ATP2B2: variants seen among roughly 807,000 people sequenced by gnomAD.
ATP2B2 encodes ATPase plasma membrane Ca2+ transporting 2, also known as plasma membrane calcium-transporting ATPase 2.
Under a neutral mutation model 120.0 loss-of-function variants are expected in ATP2B2, and 15 were observed. The ratio of observed to expected loss-of-function variants is 0.12; its 90% CI spans 0.08 to 0.19. The LOEUF is 0.19. Ranked by LOEUF, ATP2B2 falls within the 10% of genes least tolerant of loss-of-function variation. ATP2B2 has a pLI of 1.00. For missense variants in ATP2B2, 1,045 were observed against 1,719.8 expected (o/e 0.61, Z 6.94); for synonymous variants, 694 against 700.3 (o/e 0.99, Z 0.14).
chr3:10,566,686 C>G (rs2068016752), intron 2 of ATP2B2, among the ~76,000 whole-genome samples: 1 of 152,172 alleles, frequency 6.6e-6, no homozygotes, highest in South Asian at 2.1e-4. Context: ...CATAGATATA[C>G]ATCAAATCAC....
intron 1 of ATP2B2, among the ~76,000 whole-genome samples, chr3:10,644,655 A>G (rs2070272729): frequency 6.6e-6 from 1 of 152,234 alleles, no homozygotes; most frequent in South Asian, 2.1e-4. Flanking sequence ...AAGGCTGCAT[A>G]TTCCATGATT....
chr3:10,605,835 G>C lies in ATP2B2; in HGVS notation c.-415+14082C>G, dbSNP rs181832082. 3.1e-3 allele frequency among the ~76,000 whole-genome samples: 478 copies of C among 152,292 alleles called. 1 individual carries two copies. The highest frequency in any genetic ancestry group is 5.1e-3 in the Non-Finnish European group (348 of 68,012). Reference sequence around the variant, plus strand: ...AGCTAATTTTTGTATTTTTAGTAGAGATGAGGTTTCGCCATGTTGGCCAGG... The same window carrying C: ...AGCTAATTTTTGTATTTTTAGTAGACATGAGGTTTCGCCATGTTGGCCAGG... On this transcript the variant is annotated intron_variant, in intron 2 of 21. Coordinates refer to the ATP2B2 transcript ENST00000646379.
rs375595992 is a variant in ATP2B2, at chr3:10,565,876, ACT to A, written c.-414-31745_-414-31744del. 1.2e-4 allele frequency among the ~76,000 whole-genome samples: 18 copies of A among 151,190 alleles called. No individual in the cohort carries two copies. In the East Asian group the frequency reaches 3.3e-3, roughly 28 times the overall value. On this transcript the variant is annotated intron_variant, in intron 2 of 21. Transcript: ENST00000646379. Reference sequence around the variant, plus strand: ...GTGTGGCCTTGGGCAAGCGAATAAAACTCTCTGTGCCTCATCATTTGCTTTCC... The same window carrying A: ...GTGTGGCCTTGGGCAAGCGAATAAAACTCTGTGCCTCATCATTTGCTTTCC...
intron 1 of ATP2B2, among the ~76,000 whole-genome samples, chr3:10,665,778 G>A (rs1250608917): frequency 1.3e-5 from 2 of 152,132 alleles, no homozygotes; most frequent in African/African-American, 4.8e-5. Flanking sequence ...CTCATTCTGG[G>A]AGTCTTGCCC....
intron 22 of ATP2B2, 44 bp downstream of exon 22, chr3:10,338,132 C>G (rs376896949): frequency 3.7e-6 from 6 of 1,610,506 alleles, no homozygotes; most frequent in Non-Finnish European, 5.1e-6. Context: ...TCCCCTGGCC[C>G]GCCCCGGCCA....
At chr3:10,417,069 CGGG>C (rs1227824259) in intron 2 of ATP2B2, among the ~76,000 whole-genome samples, 2 of 93,362 alleles carry the variant, frequency 2.1e-5, no homozygotes, top group Non-Finnish European at 4.1e-5. Flanking sequence ...CAGACGGCGG[CGGG>C]GGGGGGCGGG....
chr3:10,570,824 C>G (rs550738045), intron 2 of ATP2B2, among the ~76,000 whole-genome samples: 50 of 152,346 alleles, frequency 3.3e-4, no homozygotes, highest in African/African-American at 1.2e-3. Context: ...ACCTCAACGC[C>G]CTGCTGTACT....
chr3:10,392,785 C>T (rs932344827), intron 5 of ATP2B2, among the ~76,000 whole-genome samples: 1 of 152,262 alleles, frequency 6.6e-6, no homozygotes, highest in African/African-American at 2.4e-5. Context: ...TGGGGCCAGC[C>T]CCTCTCCTCT....
intron 1 of ATP2B2, among the ~76,000 whole-genome samples, chr3:10,700,467 T>C (rs1296988574): frequency 6.6e-6 from 1 of 152,152 alleles, no homozygotes; most frequent in Non-Finnish European, 1.5e-5. Flanking sequence ...TTGTCAGGCA[T>C]AGCATGGAGA....
intron 22 of ATP2B2, chr3:10,336,331 C>A: frequency 7.1e-6 from 11 of 1,545,452 alleles, no homozygotes; most frequent in Non-Finnish European, 9.6e-6. Flanking sequence ...AGACAAGTTG[C>A]GAGAAGAACG....
At position 10,402,469 on chromosome 3, in the gene ATP2B2, C is replaced by T. The variant is rs2062255122; in HGVS notation, c.398-121G>A. On this transcript the variant is annotated intron_variant, in intron 3 of 22. Coordinates refer to ENST00000360273, the MANE Select transcript of ATP2B2 (RefSeq NM_001001331.4). The surrounding 1 kb of genome is among the most constrained non-coding windows in gnomAD (Gnocchi z 4.9). ...TGTTAAGAATCAGATGATAATTATC[C>T]ACTTACTCAGTGTGTCTGGGTACCA... The T allele has an allele frequency of 6.9e-7, 1 of 1,445,260 alleles. No homozygotes were observed. The highest frequency in any genetic ancestry group is 1.2e-5 in the South Asian group (1 of 86,562). The allele number at this position is 1,445,260 out of a possible 1,614,324, so 89.5% of individuals were successfully genotyped here. A position where few individuals can be genotyped will look rare whatever the true frequency, so the allele number is the denominator to read the frequency against.
At chr3:10,548,695 T>C (rs2067602996) in intron 2 of ATP2B2, among the ~76,000 whole-genome samples, 1 of 152,220 alleles carries the variant, frequency 6.6e-6, no homozygotes, top group Non-Finnish European at 1.5e-5. Flanking sequence ...CCTACCAGCA[T>C]TCCCACGCCT....
At position 10,342,984 on chromosome 3, in the gene ATP2B2, G is replaced by C. The variant is rs781621226; in HGVS notation, c.2704-19C>G. Reference sequence around the variant, plus strand: ...GGGAGTCCTGGGGACGGGCAGGAGAGGGCTGTCACCTGTGCGCCCACCTGC... The same window carrying C: ...GGGAGTCCTGGGGACGGGCAGGAGACGGCTGTCACCTGTGCGCCCACCTGC... On this transcript the variant is annotated intron_variant, in intron 18 of 22. Coordinates refer to ENST00000360273, the MANE Select transcript of ATP2B2 (RefSeq NM_001001331.4). This position sits in a 1 kb window ranked among gnomAD's most constrained non-coding sequence, Gnocchi z 4.4. 1 of 1,612,264 alleles carries C rather than the reference G, an allele frequency of 6.2e-7. No individual in the cohort carries two copies. The highest frequency in any genetic ancestry group is 1.7e-5 in the Admixed American group (1 of 60,014).
chr3:10,546,970 T>C (rs1388098236), intron 2 of ATP2B2, among the ~76,000 whole-genome samples: 1 of 152,116 alleles, frequency 6.6e-6, no homozygotes, highest in African/African-American at 2.4e-5. Context: ...ACCCCAAGGC[T>C]CAGTTCTGCT....
chr3:10,337,422 C>T (rs554458707), intron 22 of ATP2B2, among the ~76,000 whole-genome samples: 22 of 152,254 alleles, frequency 1.4e-4, no homozygotes, highest in Non-Finnish European at 7.4e-5. Flanking sequence ...ACCCTCCCCT[C>T]GCAGGGCTGT....
intron 2 of ATP2B2, chr3:10,570,079 C>T (rs1575507535): frequency 6.6e-6 from 1 of 152,264 alleles, no homozygotes; most frequent in East Asian, 1.9e-4. Flanking sequence ...TGAACCCCTT[C>T]CTCTGTTTGG....
chr3:10,416,770 T>C (rs910803363), intron 2 of ATP2B2, among the ~76,000 whole-genome samples: 14 of 151,980 alleles, frequency 9.2e-5, no homozygotes, highest in African/African-American at 2.7e-4. Flanking sequence ...TTTTCTTTTT[T>C]TTTTTTTTAA....
chr3:10,542,135 A>G (rs1214781571), intron 2 of ATP2B2, among the ~76,000 whole-genome samples: 2 of 152,254 alleles, frequency 1.3e-5, no homozygotes, highest in East Asian at 3.9e-4. Flanking sequence ...GCTTGCTTAT[A>G]TTATTACATT....
rs193197261 is a variant in ATP2B2 at position 10,581,258 on chromosome 3, G to T, written c.-415+38659C>A. Among the ~76,000 whole-genome samples, 1,292 of 152,316 alleles carry T rather than the reference G, an allele frequency of 8.5e-3. 19 individuals are homozygous for T. The highest frequency in any genetic ancestry group is 0.065 in the South Asian group (312 of 4,828). On this transcript the variant is annotated intron_variant, in intron 2 of 21. Coordinates refer to the ATP2B2 transcript ENST00000646379. Reference sequence around the variant, plus strand: ...ATGCAAGTAGATTCCACAAGTGCAAGAGAAGAGAAGTTCTGAAGATGAGGG... The same window carrying T: ...ATGCAAGTAGATTCCACAAGTGCAATAGAAGAGAAGTTCTGAAGATGAGGG...
Sources: allele counts gnomAD v4.1 joint callset (sites outside exome capture counted in the v4.1 genomes callset), GRCh38; gene constraint gnomAD v4.1.1; non-coding constraint Gnocchi (gnomAD v3.1); transcripts MANE v1.5; gene names NCBI Gene and HGNC (gene_info 2026-07-23, HGNC 2026-07-21).